The following SYCP2L variants were observed in gnomAD, a reference collection of about 807,000 sequenced individuals.
SYCP2L encodes the protein synaptonemal complex protein 2-like.
A neutral mutation model predicts 125.8 loss-of-function variants in SYCP2L; 98 were observed. That is an observed-to-expected ratio of 0.78 (90% confidence interval 0.66 to 0.92). SYCP2L has a LOEUF of 0.92. Ranked by LOEUF, SYCP2L falls within the 40% of genes least tolerant of loss-of-function variation. The pLI is 0.00. For missense variants in SYCP2L, 842 were observed against 936.4 expected (o/e 0.90, Z 1.32); for synonymous variants, 317 against 325.4 (o/e 0.97, Z 0.28).
intron 17 of SYCP2L, 79 bp from the exon 18 acceptor site, chr6:10,928,324 T>C: frequency 1.5e-6 from 1 of 671,122 alleles, no homozygotes; most frequent in Non-Finnish European, 2.5e-6. Context: ...AAGACAGGCA[T>C]AAGAAATTAT....
chr6:10,935,818 G>A (rs989031279), intron 21 of SYCP2L, among the ~76,000 whole-genome samples: 4 of 152,078 alleles, frequency 2.6e-5, no homozygotes, highest in African/African-American at 9.7e-5. Context: ...TTTCTGTTGT[G>A]ACTATTCAAC....
chr6:10,919,431 T>C (rs2788870), intron 14 of SYCP2L, among the ~76,000 whole-genome samples: 58,203 of 151,712 alleles, frequency 0.38, 12,009 homozygotes, highest in Admixed American at 0.52. Context: ...GTGAACTGTC[T>C]ATGGGTCTCT....
chr6:10,915,941 G>A (rs563705484), intron 14 of SYCP2L, among the ~76,000 whole-genome samples: 4 of 152,248 alleles, frequency 2.6e-5, no homozygotes, highest in African/African-American at 7.2e-5. Flanking sequence ...CTGTGAATCT[G>A]TCTGGTCCTG....
At chr6:10,972,826 C>A (rs906837017) in intron 29 of SYCP2L, among the ~76,000 whole-genome samples, 17 of 152,184 alleles carry the variant, frequency 1.1e-4, no homozygotes, top group Admixed American at 1.0e-3. Flanking sequence ...CCATGCCCAG[C>A]TTCCTCCCCA....
chr6:10,899,072 A>G (rs150623127), intron 6 of SYCP2L, among the ~76,000 whole-genome samples: 1,620 of 152,360 alleles, frequency 0.011, 25 homozygotes, highest in Non-Finnish European at 0.015. Flanking sequence ...TGCTCCTGAC[A>G]TATGGCTAGC....
intron 9 of SYCP2L, 52 bp from the exon 10 acceptor site, chr6:10,907,490 C>T (rs1176546314): frequency 7.2e-6 from 11 of 1,533,182 alleles, no homozygotes; most frequent in African/African-American, 5.6e-5. Flanking sequence ...CTCATTTTTT[C>T]TTTTGCTTTG....
rs1780636119 is a variant in SYCP2L at position 10,913,010 on chromosome 6, A to G, written c.1072+83A>G. The G allele has an allele frequency of 6.6e-6, 9 of 1,353,580 alleles. No individual in the cohort carries two copies. In the East Asian group the frequency reaches 1.2e-4, roughly 18 times the overall value. The allele number at this position is 1,353,580 out of a possible 1,614,324, so 83.8% of individuals were successfully genotyped here. A position where few individuals can be genotyped will look rare whatever the true frequency, so the allele number is the denominator to read the frequency against. ...ATGCAGTGTGTATTTATTTAATTCT[A>G]GGGCATATTTTGACCATGCCTTGAG... On this transcript the variant is annotated intron_variant, in intron 14 of 29. Transcript: ENST00000283141.
rs193255874 is a variant in SYCP2L, at chr6:10,952,110, G to A, written c.1955-3006G>A. ...TTTGTGTTTATTTTTGAGGTGTTCT[G>A]TGTATGTAGTTTTAACTCTGTTATG... On this transcript the variant is annotated intron_variant, in intron 23 of 29. Coordinates refer to ENST00000283141, the MANE Select transcript of SYCP2L (RefSeq NM_001040274.3). Among the ~76,000 whole-genome samples the A allele has an allele frequency of 1.8e-3, 269 of 152,250 alleles. 1 individual carries two copies. Among genetic ancestry groups the A allele is most frequent in the African/African-American group, 6.1e-3 (255 of 41,552 alleles).
chr6:10,898,567 T>G (rs1460572683), intron 5 of SYCP2L, among the ~76,000 whole-genome samples: 1 of 152,186 alleles, frequency 6.6e-6, no homozygotes, highest in Non-Finnish European at 1.5e-5. Flanking sequence ...ATATGTGATA[T>G]AGTAAGAAAC....
chr6:10,906,147 G>A, intron 9 of SYCP2L, 93 bp downstream of exon 9: 1 of 709,828 alleles, frequency 1.4e-6, no homozygotes, highest in South Asian at 2.0e-5. Context: ...ATAAATTATG[G>A]TTAAATTGAA....
At chr6:10,969,573 C>G (rs577045853) in intron 29 of SYCP2L, among the ~76,000 whole-genome samples, 7 of 151,770 alleles carry the variant, frequency 4.6e-5, no homozygotes, top group Non-Finnish European at 1.0e-4. Context: ...ACCGTTTTAG[C>G]CAGGATGGTC....
At chr6:10,894,519 C>G (rs749100602) in intron 4 of SYCP2L, among the ~76,000 whole-genome samples, 3 of 152,074 alleles carry the variant, frequency 2.0e-5, no homozygotes, top group Non-Finnish European at 4.4e-5. Flanking sequence ...GGAGTAGGCT[C>G]TAGAACTATT....
chr6:10,929,184 C>T (rs1456895167), intron 18 of SYCP2L, among the ~76,000 whole-genome samples: 1 of 152,228 alleles, frequency 6.6e-6, no homozygotes, highest in East Asian at 1.9e-4. Flanking sequence ...AGCAACCACA[C>T]CTGGCCGCAC....
intron 1 of SYCP2L, among the ~76,000 whole-genome samples, chr6:10,888,313 T>G: frequency 6.6e-6 from 1 of 151,908 alleles, no homozygotes; most frequent in Non-Finnish European, 1.5e-5. Context: ...GCCAGGATGG[T>G]CTCTGTCTCT....
At chr6:10,899,597 A>C (rs183247793) in intron 6 of SYCP2L, among the ~76,000 whole-genome samples, 3 of 152,338 alleles carry the variant, frequency 2.0e-5, no homozygotes, top group East Asian at 1.9e-4. Flanking sequence ...TCAAAGATGC[A>C]CTTAAATATT....
rs1448845896 is a variant in SYCP2L at position 10,923,000 on chromosome 6, ATTC to A, written c.1073-1490_1073-1488del. ...TAAAATTATTAATGATACATTTTAC[ATTC>A]TTCTTTTGTGTACTGAGTCTTCATA... On this transcript the variant is annotated intron_variant, in intron 14 of 29. Transcript: ENST00000283141. Among the ~76,000 whole-genome samples the A allele has an allele frequency of 2.6e-5, 4 of 152,272 alleles. No homozygotes were observed. The East Asian group carries it at 7.7e-4, about 29-fold the overall frequency.
chr6:10,944,320 G>T (rs1431133067), intron 23 of SYCP2L, among the ~76,000 whole-genome samples: 1 of 152,088 alleles, frequency 6.6e-6, no homozygotes, highest in Non-Finnish European at 1.5e-5. Flanking sequence ...ATTTCCTCTT[G>T]TGTAGTGTCT....
At position 10,904,059 on chromosome 6, in the gene SYCP2L, A is replaced by C. The variant is rs545692057; in HGVS notation, c.641+1096A>C. Among the ~76,000 whole-genome samples, 49 of 152,336 alleles carry C rather than the reference A, an allele frequency of 3.2e-4. 1 individual carries two copies. Among genetic ancestry groups the C allele is most frequent in the African/African-American group, 1.1e-3 (47 of 41,586 alleles). The stretch of plus-strand genomic sequence containing the variant: ...TGTAAAATGGAGTCAAAGTAATACT[A>C]CTTGATAGTTATTGTAAAGGTTAAA... On this transcript the variant is annotated intron_variant, in intron 8 of 29. Transcript: ENST00000283141.
At position 10,930,524 on chromosome 6, in the gene SYCP2L, G is replaced by T. The variant is rs1396356255; in HGVS notation, c.1633+10G>T. 1.2e-6 allele frequency: 2 copies of T among 1,605,632 alleles called. No homozygotes were observed. The highest frequency in any genetic ancestry group is 3.4e-5 in the Admixed American group (2 of 58,394). ...AGAAGTAATTTGAGAAGTAAGTCTG[G>T]CATGTCTTCTTTTGAATCACTTTTC... On this transcript the variant is annotated intron_variant, in intron 19 of 29. Transcript: ENST00000283141.
Sources: allele counts gnomAD v4.1 joint callset (sites outside exome capture counted in the v4.1 genomes callset), GRCh38; gene constraint gnomAD v4.1.1; transcripts MANE v1.5; gene names NCBI Gene and HGNC (gene_info 2026-07-23, HGNC 2026-07-21).